CUX2: variants seen among roughly 807,000 people sequenced by gnomAD.
The protein encoded by CUX2 is homeobox protein cut-like 2.
In CUX2, 40 loss-of-function variants were observed where a neutral mutation model predicts 144.8. That is an observed-to-expected ratio of 0.28 (90% CI 0.21 to 0.36). CUX2 has a LOEUF of 0.36. CUX2 is among the 10% of genes least tolerant of loss of function. CUX2 has a pLI of 1.00. For missense variants in CUX2, 1,615 were observed against 1,994.0 expected, an observed-to-expected ratio of 0.81 and a Z score of 3.62; for synonymous variants, 827 against 875.6, an observed-to-expected ratio of 0.94 and a Z score of 0.98.
At chr12:111,311,600 A>ATTTTTT (rs1490811302) in intron 15 of CUX2, among the ~76,000 whole-genome samples, 1 of 138,438 alleles carries the variant, frequency 7.2e-6, no homozygotes, top group African/African-American at 2.9e-5. Context: ...CTTTATTATT[A>ATTTTTT]TTATTTTTTT....
intron 1 of CUX2, among the ~76,000 whole-genome samples, chr12:111,115,131 GT>G (rs1874208592): frequency 6.6e-6 from 1 of 151,958 alleles, no homozygotes; most frequent in Non-Finnish European, 1.5e-5. Context: ...CTGTTTCAAA[GT>G]TTCTTTGGAT....
intron 1 of CUX2, among the ~76,000 whole-genome samples, chr12:111,182,439 G>A (rs1284015903): frequency 1.3e-5 from 2 of 152,238 alleles, no homozygotes; most frequent in Non-Finnish European, 2.9e-5. Flanking sequence ...TCATCCTGAC[G>A]TTCTCCAGTT....
In CUX2 at chr12:111,310,414, G is replaced by A. The variant is rs372631563; in HGVS notation, c.1632G>A (p.Ala544=). ...CGGATGGTGGTGGGGGCGGAGCGGC[G>A]GGGCCCGGGGCAGAGGAGGAGCAGC... ...EPADGGGGGA[A]GPGAEEEQLD... is the part of the protein sequence containing the mutation. Residue 544 remains alanine (A), a synonymous_variant, in exon 15 of 22, where the codon GCG becomes GCA. Coordinates refer to ENST00000261726, the MANE Select transcript of CUX2 (RefSeq NM_015267.4). This position sits in a 1 kb window ranked among gnomAD's most constrained non-coding sequence, Gnocchi z 7.9. 5.0e-5 allele frequency: 80 copies of A among 1,609,362 alleles called. No individual in the cohort carries two copies. The African/African-American group carries it at 5.7e-4, about 12-fold the overall frequency.
intron 1 of CUX2, among the ~76,000 whole-genome samples, chr12:111,110,644 A>G (rs903042796): frequency 1.1e-4 from 17 of 152,268 alleles, no homozygotes; most frequent in African/African-American, 4.1e-4. Context: ...ACTATTTATT[A>G]ACCTTTGTTG....
intron 3 of CUX2, among the ~76,000 whole-genome samples, chr12:111,220,281 T>G (rs1046758125): frequency 5.9e-5 from 9 of 152,198 alleles, no homozygotes; most frequent in African/African-American, 2.2e-4. Context: ...TGACCTCCAG[T>G]ACAGGTTTAC....
chr12:111,184,846 G>A (rs1015523621), intron 1 of CUX2, among the ~76,000 whole-genome samples: 3 of 152,078 alleles, frequency 2.0e-5, no homozygotes, highest in Non-Finnish European at 2.9e-5. Context: ...GGCAGATCAC[G>A]AGGTCAGGAG....
rs538045109 is a variant in CUX2 at position 111,305,564 on chromosome 12, C to T, written c.858+1250C>T. 2.6e-5 allele frequency among the ~76,000 whole-genome samples: 4 copies of T among 152,160 alleles called. No homozygotes were observed. The South Asian group carries it at 8.3e-4, about 32-fold the overall frequency. The stretch of plus-strand genomic sequence containing the variant: ...GGATTACATGAGTCAGGCATGGTGG[C>T]ACATGCCTGTAGTCCCAGCCTCTTA... On this transcript the variant is annotated intron_variant, in intron 10 of 21. Coordinates refer to ENST00000261726, the MANE Select transcript of CUX2 (RefSeq NM_015267.4).
intron 1 of CUX2, among the ~76,000 whole-genome samples, chr12:111,098,324 T>C (rs1423649369): frequency 6.7e-6 from 1 of 150,110 alleles, no homozygotes; most frequent in Non-Finnish European, 1.5e-5. Context: ...CACTTGAACC[T>C]GGGAGGTAGA....
intron 1 of CUX2, among the ~76,000 whole-genome samples, chr12:111,069,478 C>T (rs1023984453): frequency 2.0e-5 from 3 of 151,862 alleles, no homozygotes; most frequent in South Asian, 4.2e-4. Context: ...CCTCAGTCAG[C>T]AACCCCTCCA....
Position 111,348,379 on chromosome 12 carries a change from C to G in CUX2, c.*54C>G. On this transcript the variant is annotated 3_prime_UTR_variant, in exon 22 of 22. Coordinates refer to ENST00000261726, the MANE Select transcript of CUX2 (RefSeq NM_015267.4). ...CCTGGTAACTACCTTCCTTCTCGCA[C>G]TTACTCTCCTCAACAGGATGGGGTA... The G allele has an allele frequency of 6.7e-7, 1 of 1,494,872 alleles. No individual in the cohort carries two copies. The highest frequency in any genetic ancestry group is 9.1e-7 in the Non-Finnish European group (1 of 1,093,196). The allele number at this position is 1,494,872 out of a possible 1,614,324, so 92.6% of individuals were successfully genotyped here.
At chr12:111,145,243 C>A (rs1299218070) in intron 1 of CUX2, among the ~76,000 whole-genome samples, 4 of 152,202 alleles carry the variant, frequency 2.6e-5, no homozygotes, top group Non-Finnish European at 5.9e-5. Context: ...TTACTCTGTC[C>A]AAACCCCCTC....
chr12:111,175,812 A>C (rs1878817639), intron 1 of CUX2, among the ~76,000 whole-genome samples: 1 of 152,056 alleles, frequency 6.6e-6, no homozygotes, highest in Admixed American at 6.6e-5. Flanking sequence ...TTTGTTTAAA[A>C]AAAAAAAGTA....
At position 111,161,967 on chromosome 12, in the gene CUX2, C is replaced by T. The variant is rs147208449; in HGVS notation, c.64-52233C>T. 2.2e-4 allele frequency among the ~76,000 whole-genome samples: 34 copies of T among 152,356 alleles called. 1 individual carries two copies. The East Asian group carries it at 6.4e-3, about 28-fold the overall frequency. Reference sequence around the variant, plus strand: ...CCCAATGTGGTCTCGAACTCCTGGGCTCAAGCGATCCTCCTGCCTTGGCCT... The same window carrying T: ...CCCAATGTGGTCTCGAACTCCTGGGTTCAAGCGATCCTCCTGCCTTGGCCT... On this transcript the variant is annotated intron_variant, in intron 1 of 21. Coordinates refer to ENST00000261726, the MANE Select transcript of CUX2 (RefSeq NM_015267.4).
chr12:111,081,404 C>T (rs1871877681), intron 1 of CUX2, among the ~76,000 whole-genome samples: 1 of 152,150 alleles, frequency 6.6e-6, no homozygotes, highest in African/African-American at 2.4e-5. Context: ...ATGAAAGCCA[C>T]TGCCAAGCAG....
chr12:111,289,643 C>A lies in CUX2; in HGVS notation c.302-1775C>A, dbSNP rs1592922894. On this transcript the variant is annotated intron_variant, in intron 4 of 21. Transcript: ENST00000261726. The surrounding 1 kb of genome is among the most constrained non-coding windows in gnomAD (Gnocchi z 4.1). ...GGTGTAAAGGGCTGGGAGAGGGAAC[C>A]GAATTCCAGGCAGAAGGACCTGCAC... Among the ~76,000 whole-genome samples, 1 of 152,074 alleles carries A rather than the reference C, an allele frequency of 6.6e-6. No homozygotes were observed. The highest frequency in any genetic ancestry group is 1.9e-4 in the East Asian group (1 of 5,166).
At chr12:111,150,379 T>C (rs1876960213) in intron 1 of CUX2, among the ~76,000 whole-genome samples, 1 of 152,168 alleles carries the variant, frequency 6.6e-6, no homozygotes, top group South Asian at 2.1e-4. Context: ...TCCACAGTGC[T>C]CCAAACACAC....
chr12:111,128,126 A>G (rs1252816192), intron 1 of CUX2, among the ~76,000 whole-genome samples: 2 of 152,260 alleles, frequency 1.3e-5, no homozygotes, highest in East Asian at 1.9e-4. Context: ...CAATTTTCCA[A>G]TTATGTTCCT....
At chr12:111,261,832 A>C (rs1884144051) in intron 3 of CUX2, among the ~76,000 whole-genome samples, 1 of 152,122 alleles carries the variant, frequency 6.6e-6, no homozygotes, top group African/African-American at 2.4e-5. Flanking sequence ...TGGAACCCAG[A>C]AGGCAGAGGT....
In CUX2 at chr12:111,291,399, T is replaced by C; in HGVS notation, c.302-19T>C. The C allele has an allele frequency of 6.3e-7, 1 of 1,585,732 alleles. No individual in the cohort carries two copies. Among genetic ancestry groups the C allele is most frequent in the South Asian group, 1.2e-5 (1 of 85,692 alleles). On this transcript the variant is annotated intron_variant, in intron 4 of 21. Transcript: ENST00000261726. Reference sequence around the variant, plus strand: ...ATCCATCAGGCCCTCACTATCCCTGTCTTTCTCTCCCTGCACAGACCCCGT... The same window carrying C: ...ATCCATCAGGCCCTCACTATCCCTGCCTTTCTCTCCCTGCACAGACCCCGT...
Sources: allele counts gnomAD v4.1 joint callset (sites outside exome capture counted in the v4.1 genomes callset), GRCh38; gene constraint gnomAD v4.1.1; non-coding constraint Gnocchi (gnomAD v3.1); transcripts MANE v1.5; gene names NCBI Gene and HGNC (gene_info 2026-07-23, HGNC 2026-07-21).